The following SLC39A11 variants were observed in gnomAD, a reference collection of about 807,000 sequenced individuals.
SLC39A11 encodes the protein solute carrier family 39 member 11, also known as zinc transporter ZIP11.
In SLC39A11, 33 loss-of-function variants were observed where a neutral mutation model predicts 36.1. The observed-to-expected ratio is 0.91, with a 90% confidence interval of 0.69 to 1.22. The LOEUF (loss-of-function observed/expected upper bound fraction) is 1.22, where lower values mean the gene tolerates loss of function less well. Among genes scored for constraint, SLC39A11 ranks in the 50% most tolerant of loss-of-function variants. The pLI is 0.00. For missense variants in SLC39A11, 432 were observed against 430.3 expected, an observed-to-expected ratio of 1.00 and a Z score of -0.03; for synonymous variants, 166 against 170.3, an observed-to-expected ratio of 0.97 and a Z score of 0.20.
chr17:73,054,521 A>G (rs2059607837), intron 3 of SLC39A11, among the ~76,000 whole-genome samples: 1 of 152,122 alleles, frequency 6.6e-6, no homozygotes, highest in Non-Finnish European at 1.5e-5. Flanking sequence ...AGGTGCTTCT[A>G]GTTTGGGGAG....
intron 6 of SLC39A11, among the ~76,000 whole-genome samples, chr17:72,826,325 CT>C (rs1305426088): frequency 6.6e-6 from 1 of 152,186 alleles, no homozygotes; most frequent in Non-Finnish European, 1.5e-5. Context: ...TTTTCTGAGG[CT>C]TCCTCAGCCA....
chr17:72,739,562 G>A (rs1043792889), intron 6 of SLC39A11, among the ~76,000 whole-genome samples: 9 of 152,292 alleles, frequency 5.9e-5, no homozygotes, highest in African/African-American at 1.9e-4. Flanking sequence ...TGACTCCTGG[G>A]CCACTGTCAG....
At position 72,969,812 on chromosome 17, in the gene SLC39A11, T is replaced by A. The variant is rs1000135105; in HGVS notation, c.307-21937A>T. Among the ~76,000 whole-genome samples the A allele has an allele frequency of 3.9e-5, 6 of 152,032 alleles. No homozygotes were observed. The East Asian group carries it at 7.7e-4, about 20-fold the overall frequency. ...GCTTGTTGGTTTTCTCTTTAATATT[T>A]AAAAAAAATTATGACACAGGCCACA... On this transcript the variant is annotated intron_variant, in intron 4 of 9. Transcript: ENST00000255559.
Position 72,647,674 on chromosome 17 carries a change from G to T in SLC39A11, c.930-12C>A. 3.7e-6 allele frequency: 6 copies of T among 1,612,546 alleles called. No individual in the cohort carries two copies. The highest frequency in any genetic ancestry group is 5.1e-6 in the Non-Finnish European group (6 of 1,178,834). ...GTTTCCCATTACCACTGGAAGAGAA[G>T]GACAGGAAGAAAAGTAAGACCTTAA... On this transcript the variant is annotated splice_polypyrimidine_tract_variant and intron_variant, in intron 9 of 9. Coordinates refer to ENST00000255559, the MANE Select transcript of SLC39A11 (RefSeq NM_139177.4).
chr17:72,891,388 G>A (rs574808198), intron 5 of SLC39A11, among the ~76,000 whole-genome samples: 1 of 152,154 alleles, frequency 6.6e-6, no homozygotes, highest in East Asian at 1.9e-4. Flanking sequence ...GGACGCCCCT[G>A]CCAACCTTCT....
chr17:73,008,780 A>C (rs1171724180), intron 4 of SLC39A11, among the ~76,000 whole-genome samples: 1 of 152,320 alleles, frequency 6.6e-6, no homozygotes, highest in East Asian at 1.9e-4. Flanking sequence ...TCGGCCAGGC[A>C]CAGTGGCTCA....
intron 6 of SLC39A11, among the ~76,000 whole-genome samples, chr17:72,754,020 G>GTATATATATATA (rs58028460): frequency 6.5e-5 from 7 of 108,352 alleles, no homozygotes; most frequent in African/African-American, 2.7e-4. Flanking sequence ...ATGTATATAT[G>GTATATATATATA]TATATATATA....
At position 72,649,249 on chromosome 17, in the gene SLC39A11, C is replaced by G; in HGVS notation, c.691G>C (p.Gly231Arg). 4 of 1,614,158 alleles carry G rather than the reference C, an allele frequency of 2.5e-6. No homozygotes were observed. Among genetic ancestry groups the G allele is most frequent in the Non-Finnish European group, 2.5e-6 (3 of 1,180,012 alleles). Residue 231 changes from glycine (G) to arginine (R), a missense_variant, in exon 8 of 10, where the codon GGG becomes CGG. Transcript: ENST00000255559. Reference protein sequence around the residue: ...ESARNLAIGIGIQNFPEGLAV... With the variant: ...ESARNLAIGIRIQNFPEGLAV... ...AGGCCCTCGGGGAAATTCTGGATCC[C>G]GATTCCAATGGCCAAATTCCTGAAA...
chr17:72,820,892 G>A (rs78852480), intron 6 of SLC39A11, among the ~76,000 whole-genome samples: 3,548 of 151,288 alleles, frequency 0.023, 139 homozygotes, highest in African/African-American at 0.077. Flanking sequence ...AGCACTTCCT[G>A]GGTTACTAGG....
chr17:72,701,373 A>G (rs1194360972), intron 7 of SLC39A11, among the ~76,000 whole-genome samples: 2 of 152,188 alleles, frequency 1.3e-5, no homozygotes, highest in Non-Finnish European at 2.9e-5. Flanking sequence ...GGCGATGCTA[A>G]GCAGGAAGGC....
At chr17:72,679,228 T>C (rs2071404735) in intron 7 of SLC39A11, among the ~76,000 whole-genome samples, 1 of 152,148 alleles carries the variant, frequency 6.6e-6, no homozygotes, top group South Asian at 2.1e-4. Context: ...GAAATTATAG[T>C]TAACAGTAAT....
chr17:72,855,760 G>A (rs955324564), intron 5 of SLC39A11, among the ~76,000 whole-genome samples: 10 of 152,230 alleles, frequency 6.6e-5, no homozygotes, highest in Middle Eastern at 3.4e-3. Context: ...AGCCAGGCGT[G>A]GTGGCGGGCA....
intron 6 of SLC39A11, among the ~76,000 whole-genome samples, chr17:72,780,959 C>T (rs2076296653): frequency 6.6e-6 from 1 of 152,118 alleles, no homozygotes; most frequent in African/African-American, 2.4e-5. Context: ...TGCATTGCAG[C>T]CTGGGCAACA....
chr17:72,670,124 T>A (rs1428109847), intron 7 of SLC39A11, among the ~76,000 whole-genome samples: 2 of 150,526 alleles, frequency 1.3e-5, no homozygotes, highest in African/African-American at 4.9e-5. Context: ...ATAGTTTGTT[T>A]TGTAGAGATA....
chr17:72,800,106 G>A (rs377367961), intron 6 of SLC39A11, among the ~76,000 whole-genome samples: 1 of 151,964 alleles, frequency 6.6e-6, no homozygotes, highest in African/African-American at 2.4e-5. Flanking sequence ...ATTAGGGGCA[G>A]GTTCCCCCAA....
At chr17:72,662,641 A>AAGAAAGAAAGAG (rs1193919964) in intron 7 of SLC39A11, among the ~76,000 whole-genome samples, 2 of 149,418 alleles carry the variant, frequency 1.3e-5, no homozygotes, top group African/African-American at 2.5e-5. Flanking sequence ...GAAAGAGAGA[A>AAGAAAGAAAGAG]AGAAAAAGAA....
chr17:72,770,281 A>C (rs1176001606), intron 6 of SLC39A11, among the ~76,000 whole-genome samples: 1 of 152,248 alleles, frequency 6.6e-6, no homozygotes, highest in Non-Finnish European at 1.5e-5. Flanking sequence ...TCATAGAGGC[A>C]GAAAGTAGAA....
At chr17:72,698,090 T>C (rs2072403275) in intron 7 of SLC39A11, among the ~76,000 whole-genome samples, 1 of 152,198 alleles carries the variant, frequency 6.6e-6, no homozygotes, top group Non-Finnish European at 1.5e-5. Flanking sequence ...ATTATCCTGA[T>C]AAGATAAACA....
chr17:72,766,329 T>C (rs1034814643), intron 6 of SLC39A11, among the ~76,000 whole-genome samples: 2 of 152,182 alleles, frequency 1.3e-5, no homozygotes, highest in Non-Finnish European at 2.9e-5. Context: ...CAAAGGGGTA[T>C]ATACTTAGAA....
Sources: gnomAD v4.1 joint callset for allele counts (sites outside exome capture counted in the v4.1 genomes callset) on GRCh38, gnomAD v4.1.1 for gene constraint, MANE v1.5 for transcripts, NCBI Gene and HGNC (gene_info 2026-07-23, HGNC 2026-07-21) for gene names.